Variants in UNC79 observed in about 807,000 individuals in gnomAD.
UNC79 encodes protein unc-79 homolog.
In UNC79, 37 loss-of-function variants were observed where a neutral mutation model predicts 283.1. The observed-to-expected ratio is 0.13, with a 90% CI of 0.10 to 0.17. The LOEUF is 0.17. Ranked by LOEUF, UNC79 falls within the 10% of genes least tolerant of loss-of-function variation. The pLI, the probability that UNC79 is intolerant of heterozygous loss-of-function variation, is 1.00. For synonymous variants in UNC79, 1,107 were observed against 1,200.2 expected (o/e 0.92, Z 1.61); for missense variants, 2,272 against 3,211.1 (o/e 0.71, Z 7.07).
chr14:93,493,901 A>ATTTT (rs71129642), intron 5 of UNC79, among the ~76,000 whole-genome samples: 2,349 of 48,926 alleles, frequency 0.048, 251 homozygotes, highest in Non-Finnish European at 0.062. Context: ...ATATATATAT[A>ATTTT]TTTTTTTTTT....
At chr14:93,554,519 G>T (rs57586673) in intron 14 of UNC79, among the ~76,000 whole-genome samples, 10,744 of 152,096 alleles carry the variant, frequency 0.071, 450 homozygotes, top group Middle Eastern at 0.13. Context: ...TTGACCATAA[G>T]GTAAGATTTT....
chr14:93,628,443 C>T (rs2067738055), intron 30 of UNC79, among the ~76,000 whole-genome samples: 1 of 152,244 alleles, frequency 6.6e-6, no homozygotes, highest in Non-Finnish European at 1.5e-5. Context: ...TCTCCAGCCC[C>T]TACCTGGTAT....
intron 40 of UNC79, among the ~76,000 whole-genome samples, chr14:93,672,020 A>G (rs927597228): frequency 2.6e-5 from 4 of 152,194 alleles, no homozygotes; most frequent in Non-Finnish European, 5.9e-5. Flanking sequence ...CTATTATCAA[A>G]AGGACAAAAA....
At chr14:93,487,102 CTG>C (rs2058479833) in intron 4 of UNC79, among the ~76,000 whole-genome samples, 1 of 152,088 alleles carries the variant, frequency 6.6e-6, no homozygotes, top group South Asian at 2.1e-4. Context: ...TTGAATAAAA[CTG>C]TTTAATGATA....
At chr14:93,539,737 G>A (rs545726353) in intron 12 of UNC79, among the ~76,000 whole-genome samples, 2 of 152,080 alleles carry the variant, frequency 1.3e-5, no homozygotes, top group East Asian at 1.9e-4. Context: ...TGTTGCTTAT[G>A]TTCTAATTTT....
intron 1 of UNC79, among the ~76,000 whole-genome samples, chr14:93,373,698 T>C (rs1281265616): frequency 3.3e-5 from 5 of 152,194 alleles, no homozygotes; most frequent in African/African-American, 1.2e-4. Context: ...TCATACCAAT[T>C]CTTGACAATG....
At chr14:93,702,988 GGAA>G (rs2075640464) in intron 47 of UNC79, among the ~76,000 whole-genome samples, 2 of 152,208 alleles carry the variant, frequency 1.3e-5, no homozygotes, top group African/African-American at 4.8e-5. Context: ...TCCCCTCTTC[GGAA>G]GTTGTATTGA....
chr14:93,419,554 G>A (rs776711333), intron 1 of UNC79, among the ~76,000 whole-genome samples: 2 of 151,706 alleles, frequency 1.3e-5, no homozygotes, highest in Non-Finnish European at 2.9e-5. Context: ...AGTATGATAA[G>A]ATAGAAACAG....
intron 22 of UNC79, among the ~76,000 whole-genome samples, chr14:93,592,348 G>A (rs1331805929): frequency 6.6e-6 from 1 of 151,656 alleles, no homozygotes; most frequent in Admixed American, 6.6e-5. Flanking sequence ...CTAATTTTTT[G>A]TATTTTTAGT....
chr14:93,691,827 G>C, exon 46 of UNC79: 1 of 1,614,178 alleles, frequency 6.2e-7, no homozygotes, highest in Non-Finnish European at 8.5e-7. Context: ...CGAGCAAAGT[G>C]CCGTCGCTAC....
chr14:93,362,243 A>G (rs2054242865), intron 1 of UNC79, among the ~76,000 whole-genome samples: 1 of 152,132 alleles, frequency 6.6e-6, no homozygotes. Context: ...TTTTTTTGAA[A>G]TAGTTTCAGT....
At position 93,574,724 on chromosome 14, in the gene UNC79, G is replaced by A. The variant is rs566412161; in HGVS notation, c.2071-334G>A. 1.2e-4 allele frequency among the ~76,000 whole-genome samples: 18 copies of A among 152,234 alleles called. No individual in the cohort carries two copies. The South Asian group carries it at 3.7e-3, about 32-fold the overall frequency. ...ATTGAGATCAGAGTGGGGATGGACTGGAGAAGCAGTGCTAGTCCAGGAGAA... is the reference window on the plus strand; with the variant it reads ...ATTGAGATCAGAGTGGGGATGGACTAGAGAAGCAGTGCTAGTCCAGGAGAA... On this transcript the variant is annotated intron_variant, in intron 16 of 48. Transcript: ENST00000555664.
Position 93,688,947 on chromosome 14 carries a change from TG to T in UNC79, c.7085+109del. On this transcript the variant is annotated intron_variant, in intron 44 of 48. Coordinates refer to ENST00000555664, the Ensembl canonical transcript of UNC79. The surrounding 1 kb of genome is among the most constrained non-coding windows in gnomAD (Gnocchi z 4.0). The stretch of plus-strand genomic sequence containing the variant: ...GGAGTACACCGAAGATTTATGACAG[TG>T]GAATATACTTGGTTAGGAAGATGGA... 1 of 1,211,810 alleles carries T rather than the reference TG, an allele frequency of 8.3e-7. No individual in the cohort carries two copies. Among genetic ancestry groups the T allele is most frequent in the Admixed American group, 2.5e-5 (1 of 39,266 alleles). The allele number at this position is 1,211,810 out of a possible 1,614,324, so 75.1% of individuals were successfully genotyped here.
chr14:93,694,393 A>G (rs780089497), exon 47 of UNC79: 4 of 1,610,336 alleles, frequency 2.5e-6, no homozygotes, highest in South Asian at 1.1e-5. Context: ...CAGGAATGCA[A>G]TTCGACCATT....
exon 24 of UNC79, chr14:93,597,407 C>A (rs199605503): frequency 6.2e-7 from 1 of 1,614,030 alleles, no homozygotes; most frequent in Non-Finnish European, 8.5e-7. Flanking sequence ...CACTCAGTAA[C>A]CAAAAACCAC....
chr14:93,661,464 A>G (rs1013901813), intron 39 of UNC79, among the ~76,000 whole-genome samples: 1 of 152,210 alleles, frequency 6.6e-6, no homozygotes, highest in Admixed American at 6.5e-5. Context: ...TGAGCACTAT[A>G]GAGATTGAGA....
In UNC79 at chr14:93,432,990, G is replaced by A. The variant is rs1454223020; in HGVS notation, c.22+1939G>A. ...CTATCTATGGACTTGATTCTGTAGA[G>A]CAATTAGTGGACTTAAGTAGCTATT... is the stretch of plus-strand genomic sequence containing the variant. On this transcript the variant is annotated intron_variant, in intron 1 of 48. Coordinates refer to ENST00000555664, the Ensembl canonical transcript of UNC79. Among the ~76,000 whole-genome samples the A allele has an allele frequency of 2.0e-5, 3 of 152,272 alleles. No homozygotes were observed. In the East Asian group the frequency reaches 5.8e-4, roughly 29 times the overall value.
intron 1 of UNC79, among the ~76,000 whole-genome samples, chr14:93,389,949 G>A (rs1434807657): frequency 2.6e-5 from 4 of 152,154 alleles, no homozygotes; most frequent in African/African-American, 7.2e-5. Context: ...CCCCGTGCCC[G>A]GTGAGCACTT....
chr14:93,357,761 A>G (rs1378982936), intron 1 of UNC79, among the ~76,000 whole-genome samples: 1 of 138,332 alleles, frequency 7.2e-6, no homozygotes, highest in African/African-American at 2.7e-5. Context: ...ATATGGATAT[A>G]TATATATGGA....
Sources: allele counts gnomAD v4.1 joint callset (sites outside exome capture counted in the v4.1 genomes callset), GRCh38; gene constraint gnomAD v4.1.1; non-coding constraint Gnocchi (gnomAD v3.1); transcripts MANE v1.5; gene names NCBI Gene and HGNC (gene_info 2026-07-23, HGNC 2026-07-21).